AKR1B15: variants seen among roughly 807,000 people sequenced by gnomAD.
The protein encoded by AKR1B15 is estradiol 17-beta-dehydrogenase AKR1B15.
AKR1B15 carries 49 observed loss-of-function variants against 38.5 expected under a neutral mutation model. That is an observed-to-expected ratio of 1.27 (90% confidence interval 1.01 to 1.62). The LOEUF is 1.62. Among genes scored for constraint, AKR1B15 ranks in the 40% most tolerant of loss-of-function variants. The pLI, the probability that AKR1B15 is intolerant of heterozygous loss-of-function variation, is 0.00. For synonymous variants in AKR1B15, 137 were observed against 135.5 expected, an observed-to-expected ratio of 1.01 and a Z score of -0.08; for missense variants, 411 against 381.6, an observed-to-expected ratio of 1.08 and a Z score of -0.64.
chr7:134,562,391 CT>C (rs1264551359), intron 2 of AKR1B15, among the ~76,000 whole-genome samples: 2 of 152,180 alleles, frequency 1.3e-5, no homozygotes, highest in Non-Finnish European at 2.9e-5. Flanking sequence ...TCCCTACCCA[CT>C]TCCTGTTGAT....
At chr7:134,560,520 A>AAT (rs1340967728) in intron 2 of AKR1B15, among the ~76,000 whole-genome samples, 1 of 152,220 alleles carries the variant, frequency 6.6e-6, no homozygotes, top group Non-Finnish European at 1.5e-5. Context: ...GAAAACAGCT[A>AAT]ATAGATATAC....
intron 3 of AKR1B15, among the ~76,000 whole-genome samples, chr7:134,565,937 A>G (rs1223617927): frequency 1.3e-5 from 2 of 152,052 alleles, no homozygotes; most frequent in Non-Finnish European, 2.9e-5. Flanking sequence ...CCCTGGCACC[A>G]CTTTGCAGAT....
intron 1 of AKR1B15, among the ~76,000 whole-genome samples, chr7:134,553,204 G>A (rs1261709118): frequency 1.3e-5 from 2 of 152,264 alleles, no homozygotes; most frequent in East Asian, 3.9e-4. Flanking sequence ...GTGGGATATG[G>A]TCGCCTATAG....
chr7:134,559,536 TAGG>T lies in AKR1B15; in HGVS notation c.-23+2683_-23+2685del, dbSNP rs539407261. On this transcript the variant is annotated intron_variant, in intron 2 of 11. Coordinates refer to ENST00000457545, the MANE Select transcript of AKR1B15 (RefSeq NM_001080538.3). Reference sequence around the variant, plus strand: ...CCCTCTATATTCAAACAGTATGGGCTAGGAGGAGATGTTGAAGGACAGATCCAT... The same window carrying T: ...CCCTCTATATTCAAACAGTATGGGCTAGGAGATGTTGAAGGACAGATCCAT... Among the ~76,000 whole-genome samples, 285 of 152,256 alleles carry T rather than the reference TAGG, an allele frequency of 1.9e-3. 1 individual carries two copies. The highest frequency in any genetic ancestry group is 6.2e-3 in the African/African-American group (258 of 41,542).
At chr7:134,567,912 G>C (rs1212268589) in intron 3 of AKR1B15, among the ~76,000 whole-genome samples, 1 of 152,118 alleles carries the variant, frequency 6.6e-6, no homozygotes, top group Non-Finnish European at 1.5e-5. Context: ...TATCCTCCCA[G>C]ATATTCCCTG....
intron 6 of AKR1B15, among the ~76,000 whole-genome samples, chr7:134,574,488 A>T (rs1469038791): frequency 6.6e-6 from 1 of 152,054 alleles, no homozygotes; most frequent in East Asian, 1.9e-4. Flanking sequence ...TGTCTATGCC[A>T]CTGTCATGTT....
rs1347345537 is a variant in AKR1B15 at position 134,577,786 on chromosome 7, A to C, written c.992A>C (p.Glu331Ala). 4 of 1,613,826 alleles carry C rather than the reference A, an allele frequency of 2.5e-6. No homozygotes were observed. Among genetic ancestry groups the C allele is most frequent in the Middle Eastern group, 1.7e-4 (1 of 6,058 alleles). The change falls in exon 11 of 12, where the codon GAA becomes GCA. Residue 331 changes from glutamate to alanine, a missense_variant and splice_region_variant. By Grantham distance (107) the Glu-to-Ala change is moderately radical. Coordinates refer to ENST00000457545, the MANE Select transcript of AKR1B15 (RefSeq NM_001080538.3). ...AACTGGAGGGCCTTTGACTTCAAGGAGTAAGTGGCATGGAGTTAACTAGAA... is the reference window on the plus strand; with the variant it reads ...AACTGGAGGGCCTTTGACTTCAAGGCGTAAGTGGCATGGAGTTAACTAGAA... Reference protein sequence around the residue: ...NRNWRAFDFKEFSHLEDFPFD... With the variant: ...NRNWRAFDFKAFSHLEDFPFD...
intron 3 of AKR1B15, among the ~76,000 whole-genome samples, chr7:134,566,834 A>T (rs1290728964): frequency 1.3e-5 from 2 of 152,168 alleles, no homozygotes; most frequent in African/African-American, 4.8e-5. Flanking sequence ...TTCCAGCTCG[A>T]TTCATACATA....
chr7:134,575,300 C>A, intron 6 of AKR1B15, 120 bp from the exon 7 acceptor site: 1 of 1,448,102 alleles, frequency 6.9e-7, no homozygotes, highest in Non-Finnish European at 9.2e-7. Flanking sequence ...CCTGTGAATG[C>A]TTCAGCTAAC....
intron 3 of AKR1B15, chr7:134,565,475 C>G: frequency 6.2e-7 from 1 of 1,613,340 alleles, no homozygotes; most frequent in Non-Finnish European, 8.5e-7. Context: ...CATTTCCGCA[C>G]CAACCATGGC....
intron 2 of AKR1B15, among the ~76,000 whole-genome samples, chr7:134,564,258 C>G (rs998759764): frequency 5.9e-5 from 9 of 152,214 alleles, no homozygotes; most frequent in African/African-American, 2.2e-4. Flanking sequence ...ATAACAAAAT[C>G]TATCCTTACT....
At chr7:134,562,125 A>G (rs1169250075) in intron 2 of AKR1B15, among the ~76,000 whole-genome samples, 1 of 152,140 alleles carries the variant, frequency 6.6e-6, no homozygotes, top group Non-Finnish European at 1.5e-5. Context: ...CTGGGATTAC[A>G]GACATGTGCC....
intron 1 of AKR1B15, among the ~76,000 whole-genome samples, chr7:134,553,212 T>C (rs1794053313): frequency 2.0e-5 from 3 of 152,186 alleles, no homozygotes; most frequent in African/African-American, 4.8e-5. Flanking sequence ...TGGTCGCCTA[T>C]AGATATTGGG....
At chr7:134,549,928 C>T (rs373103093) in intron 1 of AKR1B15, among the ~76,000 whole-genome samples, 7 of 152,280 alleles carry the variant, frequency 4.6e-5, no homozygotes, top group African/African-American at 1.7e-4. Context: ...GTCGGTTGGG[C>T]TGGCCATCCC....
intron 11 of AKR1B15, among the ~76,000 whole-genome samples, chr7:134,579,274 T>C (rs1794828673): frequency 6.6e-6 from 1 of 152,112 alleles, no homozygotes; most frequent in African/African-American, 2.4e-5. Flanking sequence ...TTACCGTGAG[T>C]TGTCATTACG....
chr7:134,569,565 G>A (rs1794622103), intron 5 of AKR1B15, 36 bp downstream of exon 5: 1 of 1,609,778 alleles, frequency 6.2e-7, no homozygotes, highest in East Asian at 2.2e-5. Flanking sequence ...TCTAGTTTCT[G>A]AGCTGTTGCA....
In AKR1B15 at chr7:134,579,493, C is replaced by A. The variant is rs747095737; in HGVS notation, c.993-14C>A. 1 of 1,457,832 alleles carries A rather than the reference C, an allele frequency of 6.9e-7. No homozygotes were observed. Among genetic ancestry groups the A allele is most frequent in the Admixed American group, 2.4e-5 (1 of 42,480 alleles). 90.3% of individuals were successfully genotyped at this position (1,457,832 alleles called of 1,614,324 possible). On this transcript the variant is annotated splice_polypyrimidine_tract_variant and intron_variant, in intron 11 of 11. Coordinates refer to ENST00000457545, the MANE Select transcript of AKR1B15 (RefSeq NM_001080538.3). ...TGGAACACAGTTTCTTTTTTTTTTT[C>A]TCTCTCTCTGTAGATTCTCTCATTT...
At chr7:134,562,793 TTC>T (rs1178000524) in intron 2 of AKR1B15, among the ~76,000 whole-genome samples, 1 of 151,948 alleles carries the variant, frequency 6.6e-6, no homozygotes, top group Non-Finnish European at 1.5e-5. Context: ...ATCTTTTCTT[TTC>T]TTTCTTTCCT....
intron 11 of AKR1B15, 28 bp from the exon 12 acceptor site, chr7:134,579,479 T>G: frequency 1.3e-6 from 2 of 1,526,746 alleles, no homozygotes; most frequent in Non-Finnish European, 1.8e-6. Flanking sequence ...GGAACACAGT[T>G]TCTTTTTTTT....
Sources: gnomAD v4.1 joint callset for allele counts (sites outside exome capture counted in the v4.1 genomes callset) on GRCh38, gnomAD v4.1.1 for gene constraint, MANE v1.5 for transcripts, NCBI Gene and HGNC (gene_info 2026-07-23, HGNC 2026-07-21) for gene names.